ESRRG: variants seen among roughly 807,000 people sequenced by gnomAD.
The protein encoded by ESRRG is estrogen related receptor gamma.
ESRRG carries 13 observed loss-of-function variants against 44.0 expected under a neutral mutation model. That is an observed-to-expected ratio of 0.30 (90% CI 0.19 to 0.47). ESRRG has a LOEUF of 0.47. ESRRG is among the 20% of genes least tolerant of loss of function. ESRRG has a pLI of 1.00. For missense variants in ESRRG, 395 were observed against 580.6 expected, an observed-to-expected ratio of 0.68 and a Z score of 3.29; for synonymous variants, 215 against 214.6, an observed-to-expected ratio of 1.00 and a Z score of -0.02.
chr1:217,004,801 T>C (rs1339581699), intron 1 of ESRRG, among the ~76,000 whole-genome samples: 1 of 152,166 alleles, frequency 6.6e-6, no homozygotes, highest in African/African-American at 2.4e-5. Flanking sequence ...GCCTGTGAAA[T>C]GAGAATGATA....
chr1:216,545,459 T>C (rs1170716300), intron 5 of ESRRG, among the ~76,000 whole-genome samples: 1 of 152,032 alleles, frequency 6.6e-6, no homozygotes, highest in African/African-American at 2.4e-5. Context: ...CAGATTAACA[T>C]TAACATTCAG....
chr1:217,135,684 G>A (rs988279059), intron 1 of ESRRG, among the ~76,000 whole-genome samples: 2 of 152,182 alleles, frequency 1.3e-5, no homozygotes, highest in African/African-American at 2.4e-5. Context: ...GGTGTTTCGG[G>A]GCTCCCCACG....
At chr1:217,021,202 A>T (rs1245755921) in intron 1 of ESRRG, among the ~76,000 whole-genome samples, 2 of 152,014 alleles carry the variant, frequency 1.3e-5, no homozygotes, top group East Asian at 3.9e-4. Context: ...AACACTCCGG[A>T]CCCATTGTTA....
At chr1:216,878,042 G>A (rs1221670159) in intron 2 of ESRRG, among the ~76,000 whole-genome samples, 1 of 152,174 alleles carries the variant, frequency 6.6e-6, no homozygotes, top group Non-Finnish European at 1.5e-5. Context: ...GCATATACTG[G>A]CTACAGCAGT....
At chr1:216,853,753 T>G (rs1348437734) in intron 2 of ESRRG, among the ~76,000 whole-genome samples, 1 of 152,246 alleles carries the variant, frequency 6.6e-6, no homozygotes, top group Non-Finnish European at 1.5e-5. Flanking sequence ...GCGAGTTGCT[T>G]TGAGTGCTGT....
intron 1 of ESRRG, among the ~76,000 whole-genome samples, chr1:217,034,466 C>T (rs765944128): frequency 2.0e-5 from 3 of 152,070 alleles, no homozygotes; most frequent in Admixed American, 1.3e-4. Flanking sequence ...GGGTCTAGCT[C>T]GGATAGGCCC....
chr1:216,734,246 C>A (rs1215919608), intron 2 of ESRRG, among the ~76,000 whole-genome samples: 1 of 152,128 alleles, frequency 6.6e-6, no homozygotes, highest in Non-Finnish European at 1.5e-5. Flanking sequence ...CAAATATCTG[C>A]CAAATAAATT....
At chr1:216,971,382 G>T (rs549609904) in intron 1 of ESRRG, among the ~76,000 whole-genome samples, 39 of 152,250 alleles carry the variant, frequency 2.6e-4, no homozygotes, top group African/African-American at 8.4e-4. Context: ...CGAAAGCAAC[G>T]TGTTAGAAAG....
At chr1:216,782,434 T>C (rs964713099) in intron 2 of ESRRG, among the ~76,000 whole-genome samples, 5 of 152,064 alleles carry the variant, frequency 3.3e-5, no homozygotes, top group Admixed American at 1.3e-4. Flanking sequence ...GGCAAACATT[T>C]TCTGCTGTTA....
chr1:216,692,241 G>A (rs1296222790), intron 1 of ESRRG, among the ~76,000 whole-genome samples: 1 of 152,012 alleles, frequency 6.6e-6, no homozygotes, highest in East Asian at 1.9e-4. Flanking sequence ...AGACCTTCCA[G>A]TAGGACTCGA....
At chr1:216,801,348 C>T (rs1176706352) in intron 2 of ESRRG, among the ~76,000 whole-genome samples, 1 of 152,178 alleles carries the variant, frequency 6.6e-6, no homozygotes, top group Non-Finnish European at 1.5e-5. Flanking sequence ...TGGCTACAGG[C>T]ATGCCAGCAC....
intron 2 of ESRRG, among the ~76,000 whole-genome samples, chr1:216,750,462 C>A (rs1331156917): frequency 6.6e-6 from 1 of 152,086 alleles, no homozygotes; most frequent in Non-Finnish European, 1.5e-5. Context: ...AAAAAAATAT[C>A]TCCTGGCTTT....
At chr1:217,115,303 T>C (rs2092709912) in intron 1 of ESRRG, among the ~76,000 whole-genome samples, 2 of 152,282 alleles carry the variant, frequency 1.3e-5, no homozygotes, top group Admixed American at 6.5e-5. Context: ...GTGGCTCCTA[T>C]GCGATAAATG....
intron 5 of ESRRG, among the ~76,000 whole-genome samples, chr1:216,541,608 ATGT>A (rs1558373420): frequency 2.7e-3 from 256 of 96,254 alleles, no homozygotes; most frequent in African/African-American, 7.8e-3. Context: ...GTGTGTGTGT[ATGT>A]GATCAGCTAT....
At chr1:216,516,668 C>CACACACACACACACACAGAGAGAGAGAG (rs376701865) in intron 6 of ESRRG, among the ~76,000 whole-genome samples, 6 of 137,168 alleles carry the variant, frequency 4.4e-5, no homozygotes, top group African/African-American at 1.8e-4. Context: ...CACACACACA[C>CACACACACACACACACAGAGAGAGAGAG]AGAGAGAGAG....
intron 1 of ESRRG, among the ~76,000 whole-genome samples, chr1:216,990,914 T>C (rs1051621593): frequency 6.6e-6 from 1 of 152,074 alleles, no homozygotes; most frequent in Admixed American, 6.6e-5. Flanking sequence ...TTTCCTGTGG[T>C]CCTATAAAGC....
chr1:216,795,593 G>C (rs113345646), intron 2 of ESRRG, among the ~76,000 whole-genome samples: 1 of 151,468 alleles, frequency 6.6e-6, no homozygotes, highest in Non-Finnish European at 1.5e-5. Context: ...CACCCGCCTC[G>C]GCCTCCCAAA....
chr1:217,017,814 T>C (rs1353567723), intron 1 of ESRRG, among the ~76,000 whole-genome samples: 2 of 152,222 alleles, frequency 1.3e-5, no homozygotes, highest in African/African-American at 4.8e-5. Flanking sequence ...GTGGCAGCAG[T>C]AGCAGAAACA....
intron 1 of ESRRG, among the ~76,000 whole-genome samples, chr1:216,711,584 T>C (rs929755743): frequency 6.6e-6 from 1 of 152,194 alleles, no homozygotes; most frequent in Non-Finnish European, 1.5e-5. Flanking sequence ...TGACATGGTC[T>C]TCCTCAGCAG....
Sources: allele counts gnomAD v4.1 joint callset (sites outside exome capture counted in the v4.1 genomes callset), GRCh38; gene constraint gnomAD v4.1.1; transcripts MANE v1.5; gene names NCBI Gene and HGNC (gene_info 2026-07-23, HGNC 2026-07-21).